DAB1: variants seen among roughly 807,000 people sequenced by gnomAD.
DAB1 encodes the protein disabled homolog 1.
A neutral mutation model predicts 64.6 loss-of-function variants in DAB1; 15 were observed. The observed-to-expected ratio is 0.23, with a 90% CI of 0.16 to 0.36. The LOEUF is 0.36. Among genes scored for constraint, DAB1 ranks in the 10% least tolerant of loss-of-function variants. The pLI is 1.00. For synonymous variants in DAB1, 235 were observed against 251.9 expected, an observed-to-expected ratio of 0.93 and a Z score of 0.64; for missense variants, 596 against 706.7, an observed-to-expected ratio of 0.84 and a Z score of 1.78.
intron 2 of DAB1, among the ~76,000 whole-genome samples, chr1:58,525,251 TGTGA>T (rs1194971200): frequency 7.2e-5 from 11 of 152,278 alleles, no homozygotes; most frequent in East Asian, 5.8e-4. Flanking sequence ...ATGGTTCACC[TGTGA>T]GTTTTTTCAA....
At chr1:58,310,782 C>T (rs1162088507) in intron 4 of DAB1, among the ~76,000 whole-genome samples, 1 of 152,136 alleles carries the variant, frequency 6.6e-6, no homozygotes, top group Non-Finnish European at 1.5e-5. Context: ...TAAGCTCAAT[C>T]CTTACATATA....
intron 7 of DAB1, among the ~76,000 whole-genome samples, chr1:57,501,894 G>A (rs1398886542): frequency 2.6e-5 from 4 of 152,000 alleles, no homozygotes; most frequent in African/African-American, 9.7e-5. Flanking sequence ...AAGTACTGGG[G>A]CCCCAAATTG....
chr1:57,183,418 G>A (rs914117047), intron 2 of DAB1, among the ~76,000 whole-genome samples: 1 of 152,204 alleles, frequency 6.6e-6, no homozygotes, highest in Non-Finnish European at 1.5e-5. Context: ...TGCAATGAAT[G>A]AGGAAAGAAG....
At chr1:57,961,062 T>C (rs546681432) in intron 5 of DAB1, among the ~76,000 whole-genome samples, 9 of 152,310 alleles carry the variant, frequency 5.9e-5, no homozygotes, top group African/African-American at 2.2e-4. Context: ...ATTGAGATAA[T>C]AATAATGAGT....
downstream of DAB1, among the ~76,000 whole-genome samples, chr1:57,821,788 C>T (rs1422753212): frequency 6.6e-6 from 1 of 152,142 alleles, no homozygotes; most frequent in Non-Finnish European, 1.5e-5. Flanking sequence ...AAATCAAAAT[C>T]ATCGTCACCT....
chr1:57,744,148 G>C (rs969705063), intron 6 of DAB1, among the ~76,000 whole-genome samples: 1 of 152,178 alleles, frequency 6.6e-6, no homozygotes, highest in African/African-American at 2.4e-5. Flanking sequence ...CAGGATTTTG[G>C]GGGGCTTGCT....
chr1:57,412,414 C>A (rs550141663), intron 1 of DAB1, among the ~76,000 whole-genome samples: 1 of 152,328 alleles, frequency 6.6e-6, no homozygotes, highest in Admixed American at 6.5e-5. Flanking sequence ...AAAAGCTGGG[C>A]CTCTTGTGCC....
chr1:57,492,700 C>G (rs916137095), intron 7 of DAB1, among the ~76,000 whole-genome samples: 1 of 152,140 alleles, frequency 6.6e-6, no homozygotes, highest in Non-Finnish European at 1.5e-5. Context: ...TCAAACATAG[C>G]TTTAACCCTA....
chr1:58,345,294 C>T (rs1249227045), intron 3 of DAB1, among the ~76,000 whole-genome samples: 1 of 152,168 alleles, frequency 6.6e-6, no homozygotes, highest in Non-Finnish European at 1.5e-5. Context: ...TTTCTACCAC[C>T]CCCATGCCAC....
At chr1:57,299,606 G>C (rs637379) in intron 1 of DAB1, among the ~76,000 whole-genome samples, 76,247 of 152,038 alleles carry the variant, frequency 0.5, 19,590 homozygotes, top group Admixed American at 0.64. Flanking sequence ...CCTAGGGTAT[G>C]AGAAAAAAAC....
At chr1:57,077,032 C>A (rs535551113) in intron 4 of DAB1, among the ~76,000 whole-genome samples, 6 of 152,238 alleles carry the variant, frequency 3.9e-5, no homozygotes, top group Non-Finnish European at 7.4e-5. Flanking sequence ...ATACAACAAG[C>A]TTTATATTAA....
intron 2 of DAB1, among the ~76,000 whole-genome samples, chr1:57,195,992 G>A (rs1664591931): frequency 6.6e-6 from 1 of 152,112 alleles, no homozygotes; most frequent in South Asian, 2.1e-4. Context: ...ATGAAAACAT[G>A]TAAAGCAACA....
chr1:57,990,150 A>C (rs1253981185), intron 5 of DAB1, among the ~76,000 whole-genome samples: 1 of 152,176 alleles, frequency 6.6e-6, no homozygotes, highest in Non-Finnish European at 1.5e-5. Context: ...CTCAGCTCCC[A>C]GGAAATGGTG....
intron 5 of DAB1, among the ~76,000 whole-genome samples, chr1:57,982,870 G>C (rs560003406): frequency 6.6e-6 from 1 of 152,304 alleles, no homozygotes; most frequent in African/African-American, 2.4e-5. Context: ...CTGGCACTGA[G>C]TTCAACACTT....
intron 5 of DAB1, among the ~76,000 whole-genome samples, chr1:58,109,375 C>G (rs1166033462): frequency 6.6e-6 from 1 of 152,180 alleles, no homozygotes; most frequent in Non-Finnish European, 1.5e-5. Context: ...CCAGCACCAA[C>G]AGACTTAAAC....
intron 12 of DAB1, among the ~76,000 whole-genome samples, chr1:57,013,995 C>T (rs191055705): frequency 1.8e-4 from 28 of 152,302 alleles, no homozygotes; most frequent in Middle Eastern, 3.4e-3. Context: ...AAAGACACAG[C>T]TTGTGGTGGA....
intron 1 of DAB1, among the ~76,000 whole-genome samples, chr1:57,293,637 T>C (rs1314308743): frequency 1.3e-5 from 2 of 152,210 alleles, no homozygotes; most frequent in Non-Finnish European, 2.9e-5. Context: ...AGGAAATTGA[T>C]ACAAGTTAAT....
At chr1:57,008,890 C>T (rs1251633834) in intron 14 of DAB1, among the ~76,000 whole-genome samples, 1 of 152,158 alleles carries the variant, frequency 6.6e-6, no homozygotes, top group Non-Finnish European at 1.5e-5. Context: ...AAACTCAAGT[C>T]CAAATCCTGA....
At chr1:58,009,685 A>C (rs899732010) in intron 5 of DAB1, among the ~76,000 whole-genome samples, 3 of 152,184 alleles carry the variant, frequency 2.0e-5, no homozygotes, top group African/African-American at 7.2e-5. Context: ...AATAGAAACC[A>C]TCTGAAAGCA....
Sources: allele counts gnomAD v4.1 joint callset (sites outside exome capture counted in the v4.1 genomes callset), GRCh38; gene constraint gnomAD v4.1.1; transcripts MANE v1.5; gene names NCBI Gene and HGNC (gene_info 2026-07-23, HGNC 2026-07-21).